ABTB2: variants seen among roughly 807,000 people sequenced by gnomAD.
The protein encoded by ABTB2 is ankyrin repeat and BTB/POZ domain-containing protein 2.
Under a neutral mutation model 104.1 loss-of-function variants are expected in ABTB2, and 56 were observed. That is an observed-to-expected ratio of 0.54 (90% CI 0.43 to 0.67). The LOEUF (loss-of-function observed/expected upper bound fraction) is 0.67. Ranked by LOEUF, ABTB2 falls within the 30% of genes least tolerant of loss-of-function variation. The pLI is 0.00. For missense variants in ABTB2, 1,279 were observed against 1,407.7 expected, an observed-to-expected ratio of 0.91 and a Z score of 1.46; for synonymous variants, 606 against 608.2, an observed-to-expected ratio of 1.00 and a Z score of 0.05.
At chr11:34,203,198 C>T (rs755046745) in intron 2 of ABTB2, among the ~76,000 whole-genome samples, 1 of 152,178 alleles carries the variant, frequency 6.6e-6, no homozygotes, top group Non-Finnish European at 1.5e-5. Flanking sequence ...AGCTCTGATC[C>T]GTGTGACTTG....
intron 7 of ABTB2, 64 bp downstream of exon 7, chr11:34,167,195 T>A: frequency 3.5e-6 from 5 of 1,447,008 alleles, no homozygotes; most frequent in Non-Finnish European, 4.7e-6. Flanking sequence ...AGGCTGGGGC[T>A]GTGCTTGGGG....
chr11:34,266,145 C>A (rs1014640743), intron 1 of ABTB2, among the ~76,000 whole-genome samples: 1 of 152,138 alleles, frequency 6.6e-6, no homozygotes. Context: ...TGCAGTGGTG[C>A]GATCATAGCT....
intron 1 of ABTB2, among the ~76,000 whole-genome samples, chr11:34,350,819 A>G (rs1405402287): frequency 6.6e-6 from 1 of 152,216 alleles, no homozygotes; most frequent in East Asian, 1.9e-4. Context: ...GTAATTCTTT[A>G]TAGGAAAAGC....
At chr11:34,193,983 C>T (rs577047921) in intron 3 of ABTB2, among the ~76,000 whole-genome samples, 2 of 152,350 alleles carry the variant, frequency 1.3e-5, no homozygotes, top group Admixed American at 6.5e-5. Context: ...GAAGTCCCCA[C>T]CAAACACTGC....
chr11:34,209,028 C>G (rs1853443718), intron 1 of ABTB2, among the ~76,000 whole-genome samples: 1 of 152,172 alleles, frequency 6.6e-6, no homozygotes, highest in Non-Finnish European at 1.5e-5. Context: ...AACTCCTTTG[C>G]ACATCTAACT....
chr11:34,274,413 A>G (rs1038773168), intron 1 of ABTB2, among the ~76,000 whole-genome samples: 5 of 151,930 alleles, frequency 3.3e-5, no homozygotes, highest in Non-Finnish European at 7.4e-5. Flanking sequence ...ACCAGGCTGC[A>G]CTCCATCACC....
intron 1 of ABTB2, among the ~76,000 whole-genome samples, chr11:34,249,897 C>T (rs1474746379): frequency 6.6e-6 from 1 of 152,198 alleles, no homozygotes; most frequent in Middle Eastern, 3.2e-3. Context: ...AAGCTTGTGG[C>T]CTGGCTGTGA....
chr11:34,279,781 C>T lies in ABTB2; in HGVS notation c.884-75091G>A, dbSNP rs1031802406. ...TATTCTAAATGCTTTTCTTTTCTTT[C>T]TTCTTCTTTTTTTTTTTTTTTTTTG... On this transcript the variant is annotated intron_variant, in intron 1 of 16. Coordinates refer to ENST00000435224, the MANE Select transcript of ABTB2 (RefSeq NM_145804.3). Among the ~76,000 whole-genome samples the T allele has an allele frequency of 2.0e-3, 277 of 136,252 alleles. 1 individual carries two copies. Among genetic ancestry groups the T allele is most frequent in the African/African-American group, 8.3e-3 (263 of 31,580 alleles). The allele number at this position is 136,252 out of a possible 152,430, so 89.4% of individuals were successfully genotyped here.
At chr11:34,334,110 T>A (rs538646689) in intron 1 of ABTB2, among the ~76,000 whole-genome samples, 73 of 151,712 alleles carry the variant, frequency 4.8e-4, no homozygotes, top group African/African-American at 1.8e-3. Flanking sequence ...GCAAACACTA[T>A]CAGATCCAAC....
At chr11:34,309,218 A>G (rs1854820333) in intron 1 of ABTB2, among the ~76,000 whole-genome samples, 1 of 152,188 alleles carries the variant, frequency 6.6e-6, no homozygotes, top group Non-Finnish European at 1.5e-5. Context: ...AGTTGATACC[A>G]TTGTCTCTTT....
intron 3 of ABTB2, among the ~76,000 whole-genome samples, chr11:34,193,986 A>C (rs1490751877): frequency 6.6e-6 from 1 of 152,148 alleles, no homozygotes; most frequent in African/African-American, 2.4e-5. Flanking sequence ...GTCCCCACCA[A>C]ACACTGCAGA....
At chr11:34,207,130 C>CCCAA (rs1406591558) in intron 1 of ABTB2, among the ~76,000 whole-genome samples, 1 of 152,224 alleles carries the variant, frequency 6.6e-6, no homozygotes, top group African/African-American at 2.4e-5. Flanking sequence ...GGAAAACCAC[C>CCCAA]CCAACTACAG....
intron 3 of ABTB2, among the ~76,000 whole-genome samples, chr11:34,185,498 G>T (rs78284918): frequency 6.6e-6 from 1 of 152,194 alleles, no homozygotes. Context: ...GTGTGAGGTT[G>T]CATATGTTAC....
chr11:34,232,748 G>C (rs987799767), intron 1 of ABTB2, among the ~76,000 whole-genome samples: 1 of 152,074 alleles, frequency 6.6e-6, no homozygotes, highest in Non-Finnish European at 1.5e-5. Flanking sequence ...ACCAAGGTGG[G>C]AGGATCACTG....
At chr11:34,344,674 T>A (rs964256363) in intron 1 of ABTB2, among the ~76,000 whole-genome samples, 2 of 152,202 alleles carry the variant, frequency 1.3e-5, no homozygotes, top group South Asian at 2.1e-4. Flanking sequence ...TTTTTGTATT[T>A]TTTTGTAGAA....
At chr11:34,253,974 A>G (rs1004398956) in intron 1 of ABTB2, among the ~76,000 whole-genome samples, 5 of 152,282 alleles carry the variant, frequency 3.3e-5, no homozygotes, top group Admixed American at 3.3e-4. Flanking sequence ...CCGTGAGAGC[A>G]CTGGCCATGT....
At chr11:34,317,469 T>C (rs1854947632) in intron 1 of ABTB2, among the ~76,000 whole-genome samples, 1 of 152,030 alleles carries the variant, frequency 6.6e-6, no homozygotes, top group Non-Finnish European at 1.5e-5. Context: ...AGAGAAACAC[T>C]TGGTCAACGA....
intron 1 of ABTB2, among the ~76,000 whole-genome samples, chr11:34,322,940 C>T (rs1368665314): frequency 1.3e-5 from 2 of 152,152 alleles, no homozygotes; most frequent in African/African-American, 4.8e-5. Flanking sequence ...GATTGAGTCT[C>T]GCTCTATCGC....
chr11:34,353,386 G>C (rs532644329), intron 1 of ABTB2, among the ~76,000 whole-genome samples: 3 of 152,290 alleles, frequency 2.0e-5, no homozygotes, highest in Admixed American at 6.5e-5. Context: ...AGAGAGGAGA[G>C]AGGAGAGTAG....
Sources: gnomAD v4.1 joint callset for allele counts (sites outside exome capture counted in the v4.1 genomes callset) on GRCh38, gnomAD v4.1.1 for gene constraint, MANE v1.5 for transcripts, NCBI Gene and HGNC (gene_info 2026-07-23, HGNC 2026-07-21) for gene names.